Variants in FHOD3 observed in about 807,000 individuals in gnomAD.
The protein encoded by FHOD3 is FH1/FH2 domain-containing protein 3.
Under a neutral mutation model 173.0 loss-of-function variants are expected in FHOD3, and 90 were observed. That is an observed-to-expected ratio of 0.52 (90% CI 0.44 to 0.62). The LOEUF (loss-of-function observed/expected upper bound fraction) is 0.62, where lower values mean the gene tolerates loss of function less well. Among genes scored for constraint, FHOD3 ranks in the 20% least tolerant of loss-of-function variants. The pLI is 0.00. For missense variants in FHOD3, 1,945 were observed against 2,034.7 expected (o/e 0.96, Z 0.85); for synonymous variants, 828 against 823.0 (o/e 1.01, Z -0.10).
chr18:36,746,872 G>C, intron 23 of FHOD3, 73 bp from the exon 24 acceptor site: 1 of 1,144,656 alleles, frequency 8.7e-7, no homozygotes, highest in Non-Finnish European at 1.2e-6. Context: ...CTCCCCAGAG[G>C]CAGTTTTGTC....
chr18:36,662,772 A>G (rs1035541660), intron 14 of FHOD3, among the ~76,000 whole-genome samples: 1 of 152,206 alleles, frequency 6.6e-6, no homozygotes, highest in Non-Finnish European at 1.5e-5. Flanking sequence ...ATATGTTATT[A>G]TTAACTATAG....
chr18:36,438,526 T>C (rs1384718280), intron 3 of FHOD3, among the ~76,000 whole-genome samples: 1 of 152,200 alleles, frequency 6.6e-6, no homozygotes, highest in East Asian at 1.9e-4. Flanking sequence ...CCTGTACTTC[T>C]GTCAGTCCAT....
chr18:36,480,568 T>A (rs1462659962), intron 3 of FHOD3, among the ~76,000 whole-genome samples: 1 of 152,202 alleles, frequency 6.6e-6, no homozygotes, highest in Non-Finnish European at 1.5e-5. Flanking sequence ...ATTTACAGTT[T>A]TTTAAGCTTT....
At chr18:36,733,555 T>C (rs978661204) in intron 20 of FHOD3, among the ~76,000 whole-genome samples, 12 of 152,232 alleles carry the variant, frequency 7.9e-5, no homozygotes, top group Admixed American at 7.8e-4. Context: ...CTTTGTTCTT[T>C]CCTGAAATGC....
At chr18:36,626,937 G>A (rs560541628) in intron 10 of FHOD3, among the ~76,000 whole-genome samples, 1 of 152,242 alleles carries the variant, frequency 6.6e-6, no homozygotes, top group African/African-American at 2.4e-5. Flanking sequence ...GGAGGAGGAG[G>A]GACTGGTTTG....
intron 3 of FHOD3, among the ~76,000 whole-genome samples, chr18:36,472,196 G>A (rs1461682410): frequency 6.6e-6 from 1 of 152,166 alleles, no homozygotes; most frequent in African/African-American, 2.4e-5. Context: ...AAACTTTCGA[G>A]TATGAATTAG....
chr18:36,432,437 T>A (rs557186673), intron 3 of FHOD3, among the ~76,000 whole-genome samples: 5 of 152,270 alleles, frequency 3.3e-5, no homozygotes, highest in African/African-American at 9.6e-5. Flanking sequence ...TAAGACTCTG[T>A]TCAAGGGGTC....
At chr18:36,427,815 A>G (rs778403287) in intron 3 of FHOD3, among the ~76,000 whole-genome samples, 24 of 152,238 alleles carry the variant, frequency 1.6e-4, no homozygotes, top group East Asian at 1.9e-4. Flanking sequence ...AATGTGATAC[A>G]TGGGTAATAA....
At chr18:36,430,980 G>T (rs917451251) in intron 3 of FHOD3, among the ~76,000 whole-genome samples, 1 of 152,000 alleles carries the variant, frequency 6.6e-6, no homozygotes, top group Non-Finnish European at 1.5e-5. Flanking sequence ...AACTTCAAGC[G>T]ATACAAAGCT....
chr18:36,717,993 G>A lies in FHOD3; in HGVS notation c.2695G>A (p.Ala899Thr). 6.2e-7 allele frequency: 1 copy of A among 1,612,902 alleles called. No homozygotes were observed. The highest frequency in any genetic ancestry group is 1.1e-5 in the South Asian group (1 of 90,796). Residue 899 changes from alanine (A) to threonine (T), a missense_variant, in exon 19 of 29, where the codon GCA (alanine) becomes ACA (threonine). This residue lies in a region of FHOD3 where 1,099 missense variants were observed against 1,051.2 expected (regional missense o/e 1.05). Transcript: ENST00000590592. ...GGAGGCTGGGAGGACCCAGCAGGAG[G>A]CAGAGGCGGTAGCCAGCCTTGCTAC... ...DGEAGRTQQE[A>T]EAVASLATRI... is the part of the protein sequence containing the mutation.
intron 5 of FHOD3, among the ~76,000 whole-genome samples, chr18:36,516,334 G>T (rs1053343101): frequency 2.6e-5 from 4 of 152,178 alleles, no homozygotes; most frequent in African/African-American, 9.7e-5. Flanking sequence ...CCCATGCAGG[G>T]CCACTCAGGA....
At chr18:36,712,829 T>C (rs1342508500) in intron 18 of FHOD3, among the ~76,000 whole-genome samples, 4 of 146,282 alleles carry the variant, frequency 2.7e-5, no homozygotes, top group African/African-American at 1.0e-4. Context: ...ATCAAACTTA[T>C]GAAAACTAAA....
chr18:36,372,601 AC>A (rs2047246124), intron 2 of FHOD3, 78 bp from the exon 3 acceptor site: 2 of 1,216,186 alleles, frequency 1.6e-6, no homozygotes, highest in Admixed American at 1.9e-5. Flanking sequence ...GTATGTCAGA[AC>A]CTTCACGTGG....
At chr18:36,508,646 CAAA>C (rs56780791) in intron 4 of FHOD3, among the ~76,000 whole-genome samples, 2,700 of 109,086 alleles carry the variant, frequency 0.025, 71 homozygotes, top group African/African-American at 0.074. Context: ...AATGGATTGA[CAAA>C]AAAAAAAAAA....
At chr18:36,655,628 C>G (rs1373463078) in intron 13 of FHOD3, among the ~76,000 whole-genome samples, 2 of 152,142 alleles carry the variant, frequency 1.3e-5, no homozygotes, top group Non-Finnish European at 2.9e-5. Flanking sequence ...CTGATGTTCA[C>G]TTTTTGTGGT....
At chr18:36,534,231 A>G (rs1599550405) in intron 5 of FHOD3, among the ~76,000 whole-genome samples, 1 of 152,130 alleles carries the variant, frequency 6.6e-6, no homozygotes, top group Non-Finnish European at 1.5e-5. Flanking sequence ...GGTTTAGGGG[A>G]GCATAAAACC....
At chr18:36,503,317 A>G (rs1020974463) in intron 4 of FHOD3, among the ~76,000 whole-genome samples, 1 of 152,086 alleles carries the variant, frequency 6.6e-6, no homozygotes, top group Non-Finnish European at 1.5e-5. Context: ...TTTACATTCT[A>G]CTTCTTTTCA....
At chr18:36,665,378 A>G (rs1159953690) in intron 14 of FHOD3, among the ~76,000 whole-genome samples, 1 of 152,186 alleles carries the variant, frequency 6.6e-6, no homozygotes, top group Non-Finnish European at 1.5e-5. Context: ...AGATGAGCAA[A>G]TCATCTGCAA....
chr18:36,464,159 G>A (rs1451989994), intron 3 of FHOD3, among the ~76,000 whole-genome samples: 2 of 152,150 alleles, frequency 1.3e-5, no homozygotes, highest in Non-Finnish European at 2.9e-5. Flanking sequence ...ATTCTTTTGG[G>A]AAACATGCCA....
Sources: gnomAD v4.1 joint callset for allele counts (sites outside exome capture counted in the v4.1 genomes callset) on GRCh38, gnomAD v4.1.1 for gene constraint, gnomAD v4.1.1 regional missense constraint, MANE v1.5 for transcripts, NCBI Gene and HGNC (gene_info 2026-07-23, HGNC 2026-07-21) for gene names.